The following SAAL1 variants were observed in gnomAD, a reference collection of about 807,000 sequenced individuals.
SAAL1 encodes protein SAAL1.
In SAAL1, 42 loss-of-function variants were observed where a neutral mutation model predicts 59.8. That is an observed-to-expected ratio of 0.70 (90% confidence interval 0.55 to 0.91). SAAL1 has a LOEUF of 0.91. Among genes scored for constraint, SAAL1 ranks in the 40% least tolerant of loss-of-function variants. The probability of loss-of-function intolerance (pLI) is 0.00; values close to 1 mark genes in which losing one functional copy is unlikely to be tolerated. For synonymous variants in SAAL1, 191 were observed against 194.3 expected, an observed-to-expected ratio of 0.98 and a Z score of 0.14; for missense variants, 542 against 561.1, an observed-to-expected ratio of 0.97 and a Z score of 0.34.
At chr11:18,090,026 T>C (rs899619661) in intron 6 of SAAL1, 149 bp downstream of exon 6, 6 of 728,866 alleles carry the variant, frequency 8.2e-6, no homozygotes, top group African/African-American at 3.6e-5. Context: ...CCAACCTGGG[T>C]GACAGAGCAA....
At position 18,083,702 on chromosome 11, in the gene SAAL1, G is replaced by A. The variant is rs1378320771; in HGVS notation, c.1072C>T (p.Arg358Trp). 10 of 1,608,164 alleles carry A rather than the reference G, an allele frequency of 6.2e-6. No individual in the cohort carries two copies. The highest frequency in any genetic ancestry group is 4.5e-5 in the East Asian group (2 of 44,798). The change falls in exon 10 of 12, where the codon CGG (arginine) becomes TGG (tryptophan). Residue 358 changes from arginine to tryptophan, a missense_variant. By Grantham distance (101) the Arg-to-Trp change is moderately radical. Transcript: ENST00000524803. ...VDLPLIDSLI[R>W]VLQNMEQCQK... Reference sequence around the variant, plus strand: ...CACTGTTCCATATTTTGTAAGACCCGAATGAGGCTGTCAATTAGAGGAAGA... The same window carrying A: ...CACTGTTCCATATTTTGTAAGACCCAAATGAGGCTGTCAATTAGAGGAAGA...
chr11:18,087,306 T>A, intron 7 of SAAL1, 81 bp from the exon 8 acceptor site: 1 of 866,218 alleles, frequency 1.2e-6, no homozygotes, highest in Non-Finnish European at 1.9e-6. Flanking sequence ...CAATAAATAT[T>A]TATTACTCTG....
At chr11:18,102,167 C>G (rs184402889) in intron 2 of SAAL1, among the ~76,000 whole-genome samples, 1 of 150,892 alleles carries the variant, frequency 6.6e-6, no homozygotes, top group Admixed American at 6.6e-5. Flanking sequence ...TTTGGGAGGC[C>G]GAGGAGGATG....
intron 9 of SAAL1, among the ~76,000 whole-genome samples, chr11:18,084,379 C>A (rs1848440446): frequency 6.6e-6 from 1 of 152,222 alleles, no homozygotes; most frequent in South Asian, 2.1e-4. Flanking sequence ...TAGGCAACTT[C>A]TGCTTAAAAC....
At chr11:18,091,800 CAG>C (rs889596166) in intron 4 of SAAL1, among the ~76,000 whole-genome samples, 1 of 152,196 alleles carries the variant, frequency 6.6e-6, no homozygotes, top group Non-Finnish European at 1.5e-5. Context: ...GTCTTTTCAT[CAG>C]AGAGGCAACC....
At chr11:18,090,077 CTTTT>C in intron 6 of SAAL1, 94 bp downstream of exon 6, 1 of 1,190,686 alleles carries the variant, frequency 8.4e-7, no homozygotes, top group African/African-American at 1.6e-5. Context: ...GCACTCAAGG[CTTTT>C]TTTAAAAAGG....
At position 18,090,254 on chromosome 11, in the gene SAAL1, G is replaced by C. The variant is rs952524333; in HGVS notation, c.510C>G (p.Ala170=). The C allele has an allele frequency of 1.2e-6, 2 of 1,607,862 alleles. No homozygotes were observed. The highest frequency in any genetic ancestry group is 1.7e-6 in the Non-Finnish European group (2 of 1,178,644). Residue 170 remains alanine (A), a synonymous_variant, in exon 6 of 12, where the codon GCC becomes GCG. Transcript: ENST00000524803. ...CCTGGATCCTTTCAACCCAAACACT[G>C]GCCACTTCTGCCTGGGAAAGGCAAG... ...LLTCLSQAEV[A]SVWVERIQEH... is the part of the protein sequence containing the mutation.
At position 18,102,023 on chromosome 11, in the gene SAAL1, C is replaced by G. The variant is rs1848639124; in HGVS notation, c.249+1210G>C. On this transcript the variant is annotated intron_variant, in intron 2 of 11. Coordinates refer to ENST00000524803, the MANE Select transcript of SAAL1 (RefSeq NM_138421.3). Reference sequence around the variant, plus strand: ...ATGGAGAGGCAAGAGGAAGAGACTACCAAGGACCATAAAGAAACTTTCAGG... The same window carrying G: ...ATGGAGAGGCAAGAGGAAGAGACTAGCAAGGACCATAAAGAAACTTTCAGG... Among the ~76,000 whole-genome samples the G allele has an allele frequency of 3.9e-5, 6 of 152,094 alleles. No homozygotes were observed. The South Asian group carries it at 1.2e-3, about 32-fold the overall frequency.
At chr11:18,080,749 T>C (rs1226496011) in intron 11 of SAAL1, among the ~76,000 whole-genome samples, 1 of 152,188 alleles carries the variant, frequency 6.6e-6, no homozygotes, top group Non-Finnish European at 1.5e-5. Context: ...CCACATTCTG[T>C]CCTTCATTTT....
At chr11:18,100,196 T>C (rs1447990015) in intron 2 of SAAL1, among the ~76,000 whole-genome samples, 1 of 152,214 alleles carries the variant, frequency 6.6e-6, no homozygotes, top group Non-Finnish European at 1.5e-5. Flanking sequence ...TCAACCAACC[T>C]GATCTGACAT....
At chr11:18,091,888 T>C (rs908766606) in intron 4 of SAAL1, among the ~76,000 whole-genome samples, 19 of 152,296 alleles carry the variant, frequency 1.2e-4, no homozygotes, top group Admixed American at 9.2e-4. Context: ...ACAAATCTAG[T>C]TTCTGTAGAC....
intron 1 of SAAL1, among the ~76,000 whole-genome samples, chr11:18,104,888 A>G (rs367686585): frequency 2.6e-5 from 4 of 152,152 alleles, no homozygotes; most frequent in Non-Finnish European, 5.9e-5. Flanking sequence ...CCCTGTCTTT[A>G]AAGAAGATTA....
chr11:18,089,698 T>C (rs556928343), intron 6 of SAAL1, among the ~76,000 whole-genome samples, 188 bp from the exon 7 acceptor site: 1 of 152,304 alleles, frequency 6.6e-6, no homozygotes, highest in African/African-American at 2.4e-5. Context: ...GAGGAATTTA[T>C]CAGTGTCCCA....
intron 1 of SAAL1, among the ~76,000 whole-genome samples, chr11:18,104,617 T>C (rs1848669242): frequency 6.6e-6 from 1 of 152,112 alleles, no homozygotes; most frequent in Non-Finnish European, 1.5e-5. Context: ...GGTGCTGATA[T>C]TTAAGCTAAA....
At chr11:18,085,540 T>G (rs1479584633) in intron 9 of SAAL1, among the ~76,000 whole-genome samples, 1 of 152,138 alleles carries the variant, frequency 6.6e-6, no homozygotes, top group Non-Finnish European at 1.5e-5. Context: ...GCATAACATA[T>G]CCTATCAAGT....
intron 4 of SAAL1, chr11:18,091,081 T>C (rs1395244778): frequency 2.0e-5 from 3 of 151,880 alleles, no homozygotes; most frequent in Non-Finnish European, 4.4e-5. Context: ...TCCAGACTAC[T>C]GTTGATGGAC....
chr11:18,085,693 T>TA (rs1201293563), intron 9 of SAAL1, among the ~76,000 whole-genome samples: 1 of 152,210 alleles, frequency 6.6e-6, no homozygotes, highest in Admixed American at 6.5e-5. Flanking sequence ...CCTTAATATT[T>TA]AAAAACACTA....
chr11:18,089,311 C>A lies in SAAL1; in HGVS notation c.770+19G>T. The A allele has an allele frequency of 6.5e-7, 1 of 1,527,784 alleles. No homozygotes were observed. Among genetic ancestry groups the A allele is most frequent in the South Asian group, 1.3e-5 (1 of 75,900 alleles). The allele number at this position is 1,527,784 out of a possible 1,614,324, so 94.6% of individuals were successfully genotyped here. ...AATTGCATTTTCCCAGAACATTTTA[C>A]ACAAAAGAGCTCACCTACCGTACTT... On this transcript the variant is annotated intron_variant, in intron 7 of 11. Coordinates refer to ENST00000524803, the MANE Select transcript of SAAL1 (RefSeq NM_138421.3).
intron 7 of SAAL1, 45 bp downstream of exon 7, chr11:18,089,285 C>A: frequency 6.9e-7 from 1 of 1,458,438 alleles, no homozygotes; most frequent in South Asian, 1.4e-5. Context: ...ATACTTCTAG[C>A]AATTGCATTT....
Sources: gnomAD v4.1 joint callset for allele counts (sites outside exome capture counted in the v4.1 genomes callset) on GRCh38, gnomAD v4.1.1 for gene constraint, MANE v1.5 for transcripts, NCBI Gene and HGNC (gene_info 2026-07-23, HGNC 2026-07-21) for gene names.